The following KCNIP4 variants were observed in gnomAD, a reference collection of about 807,000 sequenced individuals.
KCNIP4 encodes Kv channel-interacting protein 4.
A neutral mutation model predicts 34.0 loss-of-function variants in KCNIP4; 12 were observed. The observed-to-expected ratio is 0.35, with a 90% CI of 0.23 to 0.57. KCNIP4 has a LOEUF of 0.57. Ranked by LOEUF, KCNIP4 falls within the 20% of genes least tolerant of loss-of-function variation. KCNIP4 has a pLI of 0.83. For synonymous variants in KCNIP4, 124 were observed against 102.2 expected, an observed-to-expected ratio of 1.21 and a Z score of -1.29; for missense variants, 238 against 311.7, an observed-to-expected ratio of 0.76 and a Z score of 1.78.
chr4:21,326,403 T>C (rs1052367012), intron 1 of KCNIP4, among the ~76,000 whole-genome samples: 1 of 151,740 alleles, frequency 6.6e-6, no homozygotes, highest in Non-Finnish European at 1.5e-5. Context: ...ATCTATTTTG[T>C]CTAACTGTAG....
In KCNIP4 at chr4:21,810,218, T is replaced by A. The variant is rs114892298; in HGVS notation, c.61+138353A>T. Among the ~76,000 whole-genome samples the A allele has an allele frequency of 7.6e-3, 1,159 of 152,290 alleles. 7 individuals carry two copies. Among genetic ancestry groups the A allele is most frequent in the Non-Finnish European group, 0.011 (754 of 68,030 alleles). On this transcript the variant is annotated intron_variant, in intron 1 of 8. Transcript: ENST00000382152. The stretch of plus-strand genomic sequence containing the variant: ...TTAATACCACATATCTGCTATGTGA[T>A]CTCATTATCCTATCAAGTACATAAA...
At chr4:21,050,867 C>T (rs1742867708) in intron 1 of KCNIP4, among the ~76,000 whole-genome samples, 1 of 152,142 alleles carries the variant, frequency 6.6e-6, no homozygotes, top group Admixed American at 6.5e-5. Flanking sequence ...CATTCACTGG[C>T]CTCTTCTGTT....
chr4:20,875,799 C>G (rs1024665381), intron 2 of KCNIP4, among the ~76,000 whole-genome samples: 4 of 152,048 alleles, frequency 2.6e-5, no homozygotes, highest in Non-Finnish European at 5.9e-5. Flanking sequence ...TTTTTGCAAA[C>G]AAATCCTCCA....
intron 1 of KCNIP4, among the ~76,000 whole-genome samples, chr4:21,156,107 C>A (rs1258175406): frequency 1.3e-5 from 2 of 152,080 alleles, no homozygotes; most frequent in African/African-American, 4.8e-5. Flanking sequence ...TAATAACTCA[C>A]AATTTTTAAG....
intron 1 of KCNIP4, among the ~76,000 whole-genome samples, chr4:21,301,728 A>G (rs1330508361): frequency 2.0e-5 from 3 of 152,176 alleles, no homozygotes; most frequent in African/African-American, 2.4e-5. Context: ...CTGTAACTGT[A>G]GAGTGCACAC....
intron 1 of KCNIP4, among the ~76,000 whole-genome samples, chr4:21,295,319 G>C (rs942888775): frequency 6.6e-6 from 1 of 152,152 alleles, no homozygotes; most frequent in Non-Finnish European, 1.5e-5. Flanking sequence ...GCAAAGAGGT[G>C]TCTTGGAGTA....
In KCNIP4 at chr4:20,831,679, A is replaced by T. The variant is rs115106763; in HGVS notation, c.288+18864T>A. ...AATAAATCAGTAACATTTATTAATG[A>T]TAATACAAAGTATATTCAGTAATAG... On this transcript the variant is annotated intron_variant, in intron 3 of 8. Coordinates refer to ENST00000382152, the MANE Select transcript of KCNIP4 (RefSeq NM_025221.6). 4.3e-3 allele frequency among the ~76,000 whole-genome samples: 659 copies of T among 152,374 alleles called. 2 individuals carry two copies. The highest frequency in any genetic ancestry group is 6.9e-3 in the African/African-American group (285 of 41,596).
chr4:21,244,451 T>C (rs954563505), intron 1 of KCNIP4, among the ~76,000 whole-genome samples: 4 of 152,232 alleles, frequency 2.6e-5, no homozygotes, highest in African/African-American at 7.2e-5. Context: ...CATGATGCTA[T>C]ATTACAATCA....
rs529055155 is a variant in KCNIP4, at chr4:21,258,877, C to A, written c.62-376168G>T. On this transcript the variant is annotated intron_variant, in intron 1 of 8. Transcript: ENST00000382152. ...GCTTAGACACAGATTTTAAAAAACCCAGTAGACATTGAAACATAGCTAGAA... is the reference window on the plus strand; with the variant it reads ...GCTTAGACACAGATTTTAAAAAACCAAGTAGACATTGAAACATAGCTAGAA... Among the ~76,000 whole-genome samples, 6 of 152,144 alleles carry A rather than the reference C, an allele frequency of 3.9e-5. No homozygotes were observed. In the South Asian group the frequency reaches 1.2e-3, roughly 32 times the overall value.
intron 1 of KCNIP4, among the ~76,000 whole-genome samples, chr4:21,897,079 G>C (rs1467882060): frequency 6.6e-6 from 1 of 151,874 alleles, no homozygotes; most frequent in East Asian, 1.9e-4. Flanking sequence ...GCCTCTCTTT[G>C]GTGGTATTTT....
At chr4:21,216,292 C>G (rs572143371) in intron 1 of KCNIP4, among the ~76,000 whole-genome samples, 2 of 152,198 alleles carry the variant, frequency 1.3e-5, no homozygotes, top group Non-Finnish European at 2.9e-5. Flanking sequence ...GCAGCTAATA[C>G]TTTTATATTC....
At chr4:20,815,827 C>T (rs542413919) in intron 3 of KCNIP4, among the ~76,000 whole-genome samples, 62 of 152,296 alleles carry the variant, frequency 4.1e-4, no homozygotes, top group Middle Eastern at 6.8e-3. Flanking sequence ...TCATTTTCTA[C>T]GGTTTTGTAG....
chr4:21,920,245 G>A (rs1728864179), intron 1 of KCNIP4, among the ~76,000 whole-genome samples: 1 of 152,084 alleles, frequency 6.6e-6, no homozygotes, highest in Admixed American at 6.6e-5. Flanking sequence ...TTGACTTTTT[G>A]TATCTGTAGG....
intron 1 of KCNIP4, among the ~76,000 whole-genome samples, chr4:21,099,878 C>A (rs1296184283): frequency 6.6e-6 from 1 of 152,056 alleles, no homozygotes; most frequent in African/African-American, 2.4e-5. Flanking sequence ...GAAGGAACTG[C>A]AAATGTGGTA....
At chr4:21,174,835 G>A (rs1474586448) in intron 1 of KCNIP4, among the ~76,000 whole-genome samples, 1 of 151,412 alleles carries the variant, frequency 6.6e-6, no homozygotes, top group African/African-American at 2.4e-5. Context: ...AACCCGTGGA[G>A]GTTGCGGTGG....
chr4:21,463,823 A>G (rs1351634558), intron 1 of KCNIP4, among the ~76,000 whole-genome samples: 1 of 152,080 alleles, frequency 6.6e-6, no homozygotes, highest in East Asian at 1.9e-4. Flanking sequence ...ATTCACCAGC[A>G]AAGCCATCTG....
chr4:20,750,791 T>C (rs1333885466), intron 4 of KCNIP4, among the ~76,000 whole-genome samples: 1 of 152,220 alleles, frequency 6.6e-6, no homozygotes, highest in African/African-American at 2.4e-5. Context: ...TTTTGTCTTT[T>C]CAAAATAAAA....
intron 1 of KCNIP4, among the ~76,000 whole-genome samples, chr4:21,072,047 G>A (rs1744990765): frequency 1.3e-5 from 2 of 152,136 alleles, no homozygotes; most frequent in Admixed American, 6.6e-5. Context: ...TGTCATTGAT[G>A]GACATTTGGG....
At chr4:21,558,358 G>C (rs937922626) in intron 1 of KCNIP4, among the ~76,000 whole-genome samples, 1 of 152,042 alleles carries the variant, frequency 6.6e-6, no homozygotes, top group African/African-American at 2.4e-5. Flanking sequence ...CAGGTGTGGT[G>C]GCGTATGCCT....
Sources: allele counts gnomAD v4.1 joint callset (sites outside exome capture counted in the v4.1 genomes callset), GRCh38; gene constraint gnomAD v4.1.1; transcripts MANE v1.5; gene names NCBI Gene and HGNC (gene_info 2026-07-23, HGNC 2026-07-21).